Variants in SNTG1 observed in about 807,000 individuals in gnomAD.
SNTG1 encodes syntrophin gamma 1.
In SNTG1, 39 loss-of-function variants were observed where a neutral mutation model predicts 74.7. That is an observed-to-expected ratio of 0.52 (90% CI 0.40 to 0.68). The LOEUF is 0.68. Among genes scored for constraint, SNTG1 ranks in the 30% least tolerant of loss-of-function variants. SNTG1 has a pLI of 0.00. For synonymous variants in SNTG1, 254 were observed against 217.1 expected (o/e 1.17, Z -1.49); for missense variants, 685 against 609.5 (o/e 1.12, Z -1.30).
chr8:50,363,770 G>A (rs895937320), intron 2 of SNTG1, among the ~76,000 whole-genome samples: 1 of 152,106 alleles, frequency 6.6e-6, no homozygotes, highest in Non-Finnish European at 1.5e-5. Flanking sequence ...AAACTCAACT[G>A]TCTCTGGATA....
At chr8:50,642,621 C>A (rs892856670) in intron 13 of SNTG1, among the ~76,000 whole-genome samples, 1 of 152,158 alleles carries the variant, frequency 6.6e-6, no homozygotes, top group Non-Finnish European at 1.5e-5. Context: ...AGCCTTGATG[C>A]TTTTCCTTCA....
chr8:50,290,989 C>T (rs558530714), intron 2 of SNTG1, among the ~76,000 whole-genome samples: 17 of 152,152 alleles, frequency 1.1e-4, no homozygotes, highest in South Asian at 4.1e-4. Flanking sequence ...ATCTCCTGAA[C>T]TCAAGCGATG....
chr8:50,290,232 G>C (rs1386781827), intron 2 of SNTG1, among the ~76,000 whole-genome samples: 3 of 152,036 alleles, frequency 2.0e-5, no homozygotes, highest in Admixed American at 2.0e-4. Flanking sequence ...TAGGTATCTG[G>C]AGTTAATGTA....
chr8:50,785,734 T>C (rs2095672936), intron 18 of SNTG1, among the ~76,000 whole-genome samples: 1 of 149,970 alleles, frequency 6.7e-6, no homozygotes, highest in African/African-American at 2.4e-5. Flanking sequence ...TAGACCAGTA[T>C]CCCTAATGGG....
chr8:49,929,778 C>T (rs532262990), intron 1 of SNTG1, among the ~76,000 whole-genome samples: 5 of 151,714 alleles, frequency 3.3e-5, no homozygotes, highest in Non-Finnish European at 5.9e-5. Context: ...AGGTTAGTTA[C>T]ATATGTATAC....
intron 1 of SNTG1, among the ~76,000 whole-genome samples, chr8:50,170,550 C>A (rs571786447): frequency 6.6e-6 from 1 of 152,064 alleles, no homozygotes; most frequent in African/African-American, 2.4e-5. Context: ...AGATTTATCT[C>A]GTGTATTGGT....
chr8:50,022,159 C>A (rs1290679802), intron 1 of SNTG1, among the ~76,000 whole-genome samples: 1 of 151,964 alleles, frequency 6.6e-6, no homozygotes. Flanking sequence ...TCATTTTTAA[C>A]AAGACATAGA....
chr8:50,483,124 G>A (rs1401136042), intron 8 of SNTG1, among the ~76,000 whole-genome samples: 1 of 152,082 alleles, frequency 6.6e-6, no homozygotes, highest in Non-Finnish European at 1.5e-5. Flanking sequence ...TAAAATGGGG[G>A]CATAAATTAC....
At chr8:50,047,261 C>T (rs1417121474) in intron 1 of SNTG1, among the ~76,000 whole-genome samples, 5 of 151,850 alleles carry the variant, frequency 3.3e-5, no homozygotes, top group African/African-American at 1.2e-4. Context: ...AATGCTTGAG[C>T]CCAGGCAGTC....
chr8:50,699,981 G>T (rs571775598), intron 15 of SNTG1, among the ~76,000 whole-genome samples: 1 of 152,048 alleles, frequency 6.6e-6, no homozygotes, highest in South Asian at 2.1e-4. Context: ...TATATATATG[G>T]TAATCAACTT....
intron 2 of SNTG1, among the ~76,000 whole-genome samples, chr8:50,279,729 A>G (rs575704756): frequency 2.0e-5 from 3 of 152,316 alleles, no homozygotes; most frequent in African/African-American, 7.2e-5. Context: ...TTGCCAGAGT[A>G]GATCTCAAAG....
chr8:50,152,301 C>T (rs187155516), intron 1 of SNTG1, among the ~76,000 whole-genome samples: 78 of 152,280 alleles, frequency 5.1e-4, no homozygotes, highest in Non-Finnish European at 1.1e-3. Flanking sequence ...CTATGTGTGT[C>T]TCTGCACATG....
At chr8:49,997,313 A>G (rs1814320195) in intron 1 of SNTG1, among the ~76,000 whole-genome samples, 1 of 151,966 alleles carries the variant, frequency 6.6e-6, no homozygotes, top group Non-Finnish European at 1.5e-5. Flanking sequence ...TCCTTTTTCT[A>G]TTATATCTTT....
intron 16 of SNTG1, 67 bp from the exon 17 acceptor site, chr8:50,708,819 A>G (rs1251296876): frequency 2.9e-6 from 3 of 1,024,358 alleles, no homozygotes; most frequent in Non-Finnish European, 4.6e-6. Flanking sequence ...AGAAGCTGTA[A>G]CATAGTTCAT....
chr8:50,683,924 T>C (rs2095341384), intron 15 of SNTG1, among the ~76,000 whole-genome samples: 1 of 152,206 alleles, frequency 6.6e-6, no homozygotes, highest in Non-Finnish European at 1.5e-5. Flanking sequence ...CTGTTTTTAA[T>C]CACAATTGAA....
At chr8:50,274,990 C>T (rs1283107994) in intron 2 of SNTG1, among the ~76,000 whole-genome samples, 2 of 152,056 alleles carry the variant, frequency 1.3e-5, no homozygotes, top group Non-Finnish European at 2.9e-5. Context: ...TTTTTGAAGA[C>T]TTCTCACCTA....
chr8:50,658,985 T>C (rs1585986514), intron 15 of SNTG1, among the ~76,000 whole-genome samples: 1 of 132,514 alleles, frequency 7.5e-6, no homozygotes, highest in South Asian at 2.4e-4. Flanking sequence ...AATTTAAACG[T>C]TGGTTGTTAC....
In SNTG1 at chr8:50,000,634, TA is replaced by T. The variant is rs374430057; in HGVS notation, c.-103+88407del. 2.1e-3 allele frequency among the ~76,000 whole-genome samples: 317 copies of T among 152,300 alleles called. 2 individuals are homozygous for T. The highest frequency in any genetic ancestry group is 4.3e-3 in the South Asian group (21 of 4,830). On this transcript the variant is annotated intron_variant, in intron 1 of 18. Transcript: ENST00000642720. ...TCTGTGCTACTTCTCATAAGCAATA[TA>T]AAATAGTCTCCTTGGCTGCAATAAT... is the stretch of plus-strand genomic sequence containing the variant.
intron 1 of SNTG1, among the ~76,000 whole-genome samples, chr8:49,938,534 C>A (rs1455175333): frequency 7.3e-6 from 1 of 136,872 alleles, no homozygotes. Context: ...CCCTCCCTAT[C>A]TTACCATGCC....
Sources: allele counts gnomAD v4.1 joint callset (sites outside exome capture counted in the v4.1 genomes callset), GRCh38; gene constraint gnomAD v4.1.1; transcripts MANE v1.5; gene names NCBI Gene and HGNC (gene_info 2026-07-23, HGNC 2026-07-21).